DCC: variants seen among roughly 807,000 people sequenced by gnomAD.
DCC encodes DCC netrin 1 receptor.
In DCC, 58 loss-of-function variants were observed where a neutral mutation model predicts 172.5. The ratio of observed to expected loss-of-function variants is 0.34; its 90% CI spans 0.27 to 0.42. The LOEUF (loss-of-function observed/expected upper bound fraction) is 0.42, where lower values mean the gene tolerates loss of function less well. Among genes scored for constraint, DCC ranks in the 10% least tolerant of loss-of-function variants. The pLI is 1.00. For missense variants in DCC, 1,740 were observed against 1,791.0 expected, an observed-to-expected ratio of 0.97 and a Z score of 0.51; for synonymous variants, 709 against 644.5, an observed-to-expected ratio of 1.10 and a Z score of -1.52.
chr18:53,296,919 T>C (rs1031115925), intron 12 of DCC, among the ~76,000 whole-genome samples: 1 of 152,192 alleles, frequency 6.6e-6, no homozygotes, highest in African/African-American at 2.4e-5. Context: ...GGGAATTCCA[T>C]CTAGATAAAA....
intron 2 of DCC, among the ~76,000 whole-genome samples, chr18:52,755,936 G>T (rs2037069716): frequency 6.6e-6 from 1 of 152,150 alleles, no homozygotes; most frequent in South Asian, 2.1e-4. Flanking sequence ...TGCTCTTAAA[G>T]GCTTGAGTGC....
At chr18:52,641,367 C>G (rs2034887356) in intron 1 of DCC, among the ~76,000 whole-genome samples, 2 of 152,006 alleles carry the variant, frequency 1.3e-5, no homozygotes, top group Admixed American at 1.3e-4. Context: ...ATAGCTGGGA[C>G]CTAATTAAAC....
chr18:53,309,804 T>G (rs1157402340), intron 13 of DCC, among the ~76,000 whole-genome samples: 1 of 151,970 alleles, frequency 6.6e-6, no homozygotes, highest in Non-Finnish European at 1.5e-5. Flanking sequence ...GTAGGCTTTA[T>G]TCATATTGTT....
chr18:53,233,463 A>G (rs1442826485), intron 12 of DCC, among the ~76,000 whole-genome samples: 1 of 152,188 alleles, frequency 6.6e-6, no homozygotes, highest in Non-Finnish European at 1.5e-5. Flanking sequence ...TCCCTAGAAT[A>G]TTTGAAGCCG....
chr18:53,013,248 G>A (rs766182367), intron 5 of DCC, among the ~76,000 whole-genome samples: 12 of 151,988 alleles, frequency 7.9e-5, no homozygotes, highest in South Asian at 2.1e-4. Flanking sequence ...ACATGCACAC[G>A]TATGTTTATT....
rs140395991 is a variant in DCC at position 52,440,637 on chromosome 18, G to GA, written c.91+99765dup. Among the ~76,000 whole-genome samples the GA allele has an allele frequency of 6.2e-3, 947 of 152,188 alleles. 13 individuals carry two copies. Among genetic ancestry groups the GA allele is most frequent in the African/African-American group, 0.02 (834 of 41,536 alleles). On this transcript the variant is annotated intron_variant, in intron 1 of 28. Coordinates refer to ENST00000442544, the MANE Select transcript of DCC (RefSeq NM_005215.4). ...ATTTTATTTCTTAAACGTAAGGTTT[G>GA]AAAAAATAGCATGTGGTCTCTTGAC...
chr18:53,109,330 A>C (rs773886396), intron 7 of DCC, among the ~76,000 whole-genome samples: 1 of 151,558 alleles, frequency 6.6e-6, no homozygotes, highest in Non-Finnish European at 1.5e-5. Context: ...TAATAATTCA[A>C]TCTTCCAATA....
intron 1 of DCC, among the ~76,000 whole-genome samples, chr18:52,619,457 T>A (rs2034442219): frequency 6.6e-6 from 1 of 152,172 alleles, no homozygotes; most frequent in Admixed American, 6.5e-5. Context: ...GTTTTTTGGT[T>A]TGTTGTTGTT....
At chr18:53,491,844 G>C (rs9944923) in intron 26 of DCC, among the ~76,000 whole-genome samples, 1,861 of 151,516 alleles carry the variant, frequency 0.012, 42 homozygotes, top group African/African-American at 0.042. Flanking sequence ...ATGATTCTGG[G>C]CCAAATGGTA....
rs75775226 is a variant in DCC, at chr18:52,541,593, G to C, written c.91+200715G>C. Among the ~76,000 whole-genome samples, 3 of 152,026 alleles carry C rather than the reference G, an allele frequency of 2.0e-5. No individual in the cohort carries two copies. In the East Asian group the frequency reaches 5.8e-4, roughly 29 times the overall value. On this transcript the variant is annotated intron_variant, in intron 1 of 28. Coordinates refer to ENST00000442544, the MANE Select transcript of DCC (RefSeq NM_005215.4). ...CATGGACAGATAAGCACAAGCATCC[G>C]TTCTAACCTCAATATTTTATAAGGT... is the stretch of plus-strand genomic sequence containing the variant.
chr18:53,022,886 T>C (rs370515218), intron 5 of DCC, among the ~76,000 whole-genome samples: 10 of 152,128 alleles, frequency 6.6e-5, no homozygotes, highest in East Asian at 1.9e-4. Context: ...ATTTTTCCAG[T>C]ACATGAGAGC....
At chr18:52,529,537 G>T (rs1018622109) in intron 1 of DCC, among the ~76,000 whole-genome samples, 3 of 152,082 alleles carry the variant, frequency 2.0e-5, no homozygotes, top group Middle Eastern at 3.2e-3. Context: ...TGATCCACCC[G>T]CCTCGGCCTC....
At chr18:52,411,670 T>A (rs1455142248) in intron 1 of DCC, among the ~76,000 whole-genome samples, 2 of 152,174 alleles carry the variant, frequency 1.3e-5, no homozygotes, top group Non-Finnish European at 1.5e-5. Context: ...GGATCCAGTG[T>A]CAGACTGCCT....
At chr18:52,365,522 T>G (rs1598864783) in intron 1 of DCC, among the ~76,000 whole-genome samples, 1 of 151,724 alleles carries the variant, frequency 6.6e-6, no homozygotes, top group Non-Finnish European at 1.5e-5. Context: ...GCCAATTGCT[T>G]GGGTGGGGTT....
chr18:52,826,767 C>A (rs960600654), intron 2 of DCC, among the ~76,000 whole-genome samples: 1 of 152,160 alleles, frequency 6.6e-6, no homozygotes, highest in African/African-American at 2.4e-5. Flanking sequence ...GTGTGAGCCA[C>A]CACACCCAGC....
intron 15 of DCC, among the ~76,000 whole-genome samples, chr18:53,369,753 G>A (rs1407921807): frequency 1.3e-5 from 2 of 151,798 alleles, no homozygotes; most frequent in East Asian, 1.9e-4. Context: ...CACTTTATTA[G>A]TCTGGTGGAT....
intron 8 of DCC, among the ~76,000 whole-genome samples, chr18:53,171,991 T>G (rs2055021035): frequency 1.3e-5 from 2 of 152,166 alleles, no homozygotes; most frequent in Admixed American, 1.3e-4. Flanking sequence ...CTGAAAGAAC[T>G]TAAAACAGAT....
chr18:53,314,816 T>G (rs983586804), intron 13 of DCC, among the ~76,000 whole-genome samples: 3 of 152,098 alleles, frequency 2.0e-5, no homozygotes, highest in African/African-American at 7.2e-5. Context: ...TGCTAAAACT[T>G]CCCTGCAGAT....
At chr18:53,338,358 C>T (rs2057615222) in intron 14 of DCC, among the ~76,000 whole-genome samples, 1 of 152,196 alleles carries the variant, frequency 6.6e-6, no homozygotes, top group Non-Finnish European at 1.5e-5. Flanking sequence ...AATCCCAGAA[C>T]TTTGGGAGGC....
Sources: gnomAD v4.1 joint callset for allele counts (sites outside exome capture counted in the v4.1 genomes callset) on GRCh38, gnomAD v4.1.1 for gene constraint, MANE v1.5 for transcripts, NCBI Gene and HGNC (gene_info 2026-07-23, HGNC 2026-07-21) for gene names.